Variants in TFAP2B observed in about 807,000 individuals in gnomAD.
TFAP2B encodes the protein transcription factor AP-2-beta.
TFAP2B carries 9 observed loss-of-function variants against 44.3 expected under a neutral mutation model. The observed-to-expected ratio is 0.20, with a 90% CI of 0.12 to 0.35. The LOEUF is 0.35. Ranked by LOEUF, TFAP2B falls within the 10% of genes least tolerant of loss-of-function variation. TFAP2B has a pLI of 1.00. For synonymous variants in TFAP2B, 270 were observed against 263.8 expected, an observed-to-expected ratio of 1.02 and a Z score of -0.23; for missense variants, 509 against 600.0, an observed-to-expected ratio of 0.85 and a Z score of 1.59.
At chr6:50,823,355 C>A in intron 1 of TFAP2B, 52 bp from the exon 2 acceptor site, 2 of 1,469,472 alleles carry the variant, frequency 1.4e-6, no homozygotes, top group East Asian at 4.9e-5. Context: ...CTCTATCTCT[C>A]TTTCTCTGTC....
chr6:50,821,307 C>A (rs1283169598), intron 1 of TFAP2B, among the ~76,000 whole-genome samples: 3 of 152,236 alleles, frequency 2.0e-5, no homozygotes, highest in African/African-American at 7.2e-5. Flanking sequence ...TGAGCATAAT[C>A]TTCCACATTT....
chr6:50,823,690 T>G lies in TFAP2B; in HGVS notation c.365T>G (p.Leu122Arg). The change falls in exon 2 of 7, where the codon CTG becomes CGG. Residue 122 changes from leucine (L) to arginine (R), a missense_variant. Physicochemically the swap from Leu to Arg is moderately radical, Grantham distance 102. Transcript: ENST00000393655. ...GTGGGTTCGGAAGCCGGCTCTCTCC[T>G]GCCCCAGCCTCGGGCCGCCTTGCCC... ...QEVGSEAGSL[L>R]PQPRAALPQL... 6.2e-7 allele frequency: 1 copy of G among 1,613,738 alleles called. No homozygotes were observed. Among genetic ancestry groups the G allele is most frequent in the Non-Finnish European group, 8.5e-7 (1 of 1,179,848 alleles).
intron 6 of TFAP2B, 50 bp from the exon 7 acceptor site, chr6:50,843,042 T>A (rs1214168253): frequency 2.5e-6 from 4 of 1,612,468 alleles, no homozygotes; most frequent in South Asian, 2.2e-5. Context: ...CTAATGCCAA[T>A]GACAACGACA....
At chr6:50,830,503 T>G (rs574845794) in intron 3 of TFAP2B, among the ~76,000 whole-genome samples, 1 of 152,286 alleles carries the variant, frequency 6.6e-6, no homozygotes, top group South Asian at 2.1e-4. Context: ...AAGAGTACAT[T>G]TTATGTCCCC....
chr6:50,843,806 C>T lies in TFAP2B; in HGVS notation c.*414C>T, dbSNP rs1762784543. The T allele has an allele frequency of 6.1e-6, 1 of 164,598 alleles. No homozygotes were observed. Among genetic ancestry groups the T allele is most frequent in the Admixed American group, 6.1e-5 (1 of 16,308 alleles). 10.2% of individuals were successfully genotyped at this position (164,598 alleles called of 1,614,324 possible). ...TGCTTTGAGAGCTGGTTGACTGAGA[C>T]GCACGAACTTTTTAATTTTAAATAT... On this transcript the variant is annotated 3_prime_UTR_variant, in exon 7 of 7. Coordinates refer to ENST00000393655, the MANE Select transcript of TFAP2B (RefSeq NM_003221.4).
rs1375146637 is a variant in TFAP2B at position 50,826,649 on chromosome 6, C to CAG, written c.541-1960_541-1959dup. On this transcript the variant is annotated intron_variant, in intron 2 of 6. Coordinates refer to ENST00000393655, the MANE Select transcript of TFAP2B (RefSeq NM_003221.4). The stretch of plus-strand genomic sequence containing the variant: ...TGTTAAAAACTCAGGAAAACACCTA[C>CAG]AGAGAGAGAGACAGAGGGAGTGAAA... Among the ~76,000 whole-genome samples the CAG allele has an allele frequency of 4.0e-5, 6 of 151,584 alleles. No individual in the cohort carries two copies. The East Asian group carries it at 9.8e-4, about 25-fold the overall frequency.
chr6:50,842,655 G>T (rs1374897846), intron 6 of TFAP2B, among the ~76,000 whole-genome samples: 1 of 152,220 alleles, frequency 6.6e-6, no homozygotes, highest in African/African-American at 2.4e-5. Context: ...TGTGGCCGAG[G>T]GGCCTAAATC....
intron 1 of TFAP2B, 87 bp downstream of exon 1, chr6:50,819,059 G>A: frequency 7.7e-7 from 1 of 1,304,708 alleles, no homozygotes; most frequent in South Asian, 1.2e-5. Flanking sequence ...ATATTTTTAA[G>A]CTATTTACTC....
chr6:50,821,693 A>G (rs1043389207), intron 1 of TFAP2B: 1 of 160,782 alleles, frequency 6.2e-6, no homozygotes, highest in African/African-American at 2.4e-5. Flanking sequence ...TTACAATAGT[A>G]GGGGAGCTCT....
intron 4 of TFAP2B, 92 bp from the exon 5 acceptor site, chr6:50,837,883 T>A (rs1161546801): frequency 4.8e-6 from 5 of 1,042,912 alleles, no homozygotes; most frequent in Admixed American, 1.7e-5. Context: ...TTAAAACCTC[T>A]TCAAGCTCCA....
upstream of TFAP2B, chr6:50,818,803 G>T (rs1770243240): frequency 2.2e-5 from 27 of 1,221,280 alleles, no homozygotes; most frequent in Middle Eastern, 5.6e-4. Context: ...AGGAGCGTCG[G>T]ATTTGGTGTG....
intron 3 of TFAP2B, among the ~76,000 whole-genome samples, chr6:50,833,567 G>T (rs1391606250): frequency 1.3e-5 from 2 of 152,272 alleles, no homozygotes; most frequent in East Asian, 3.9e-4. Flanking sequence ...CCCAGAGAGG[G>T]CAGTGTACTG....
intron 4 of TFAP2B, among the ~76,000 whole-genome samples, chr6:50,837,094 C>A (rs1762638494): frequency 6.6e-6 from 1 of 152,210 alleles, no homozygotes; most frequent in African/African-American, 2.4e-5. Context: ...TCCAAGATGA[C>A]CCCTTCTGGG....
At chr6:50,825,433 G>C (rs1024535179) in intron 2 of TFAP2B, among the ~76,000 whole-genome samples, 10 of 152,012 alleles carry the variant, frequency 6.6e-5, no homozygotes, top group Non-Finnish European at 1.5e-4. Flanking sequence ...TGCTAATGCC[G>C]GCCCTGTTAC....
chr6:50,832,982 A>G (rs539717538), intron 3 of TFAP2B, among the ~76,000 whole-genome samples: 3 of 152,346 alleles, frequency 2.0e-5, no homozygotes, highest in African/African-American at 7.2e-5. Context: ...TGTTACATCC[A>G]GAACTTGGCC....
At chr6:50,836,510 C>G (rs980988404) in intron 4 of TFAP2B, among the ~76,000 whole-genome samples, 2 of 152,182 alleles carry the variant, frequency 1.3e-5, no homozygotes, top group East Asian at 1.9e-4. Context: ...CAGGCCTGCC[C>G]GCGCCGCGCA....
chr6:50,827,016 A>C (rs1048919939), intron 2 of TFAP2B, among the ~76,000 whole-genome samples: 4 of 152,182 alleles, frequency 2.6e-5, no homozygotes, highest in African/African-American at 9.7e-5. Flanking sequence ...AGGCGGCCGT[A>C]ATTAGATAGA....
rs1455566246 is a variant in TFAP2B at position 50,844,026 on chromosome 6, G to C, written c.*634G>C. ...CCCAGCCCTGCGATCTTAACTCACC[G>C]GGCCCGGCTCCCCGGCCGCTTGCAT... On this transcript the variant is annotated 3_prime_UTR_variant, in exon 7 of 7. Coordinates refer to ENST00000393655, the MANE Select transcript of TFAP2B (RefSeq NM_003221.4). 5 of 152,264 alleles carry C rather than the reference G, an allele frequency of 3.3e-5. No homozygotes were observed. The highest frequency in any genetic ancestry group is 1.9e-4 in the East Asian group (1 of 5,184). 9.4% of individuals were successfully genotyped at this position (152,264 alleles called of 1,614,324 possible). A position where few individuals can be genotyped will look rare whatever the true frequency, so the allele number is the denominator to read the frequency against.
chr6:50,843,490 G>A lies in TFAP2B; in HGVS notation c.*98G>A. On this transcript the variant is annotated 3_prime_UTR_variant, in exon 7 of 7. Coordinates refer to ENST00000393655, the MANE Select transcript of TFAP2B (RefSeq NM_003221.4). ...TTAAAATATTGGATTGGCTTTGGAA[G>A]AATTATATTAGGTAGAATACACATA... 1.6e-6 allele frequency: 2 copies of A among 1,278,134 alleles called. No homozygotes were observed. Among genetic ancestry groups the A allele is most frequent in the South Asian group, 1.4e-5 (1 of 71,694 alleles). 79.2% of individuals were successfully genotyped at this position (1,278,134 alleles called of 1,614,324 possible).
Sources: gnomAD v4.1 joint callset for allele counts (sites outside exome capture counted in the v4.1 genomes callset) on GRCh38, gnomAD v4.1.1 for gene constraint, MANE v1.5 for transcripts, NCBI Gene and HGNC (gene_info 2026-07-23, HGNC 2026-07-21) for gene names.